Variants in USP6NL observed in about 807,000 individuals in gnomAD.
USP6NL encodes the protein USP6 N-terminal like, also known as USP6 N-terminal-like protein.
In USP6NL, 26 loss-of-function variants were observed where a neutral mutation model predicts 61.9. The observed-to-expected ratio is 0.42, with a 90% confidence interval of 0.31 to 0.58. The LOEUF (loss-of-function observed/expected upper bound fraction) is 0.58. Ranked by LOEUF, USP6NL falls within the 20% of genes least tolerant of loss-of-function variation. USP6NL has a pLI of 0.16. For synonymous variants in USP6NL, 432 were observed against 390.1 expected (o/e 1.11, Z -1.27); for missense variants, 1,114 against 1,034.3 (o/e 1.08, Z -1.06).
At chr10:11,581,232 A>G (rs1360948741) in intron 2 of USP6NL, among the ~76,000 whole-genome samples, 1 of 152,238 alleles carries the variant, frequency 6.6e-6, no homozygotes, top group Non-Finnish European at 1.5e-5. Context: ...GATAAGCACT[A>G]CTGACAATCT....
chr10:11,480,489 A>G (rs959007151), intron 14 of USP6NL, among the ~76,000 whole-genome samples: 16 of 152,372 alleles, frequency 1.1e-4, no homozygotes, highest in African/African-American at 3.4e-4. Context: ...AGTAGAAAAC[A>G]GAAGTCATTA....
rs1349420327 is a variant in USP6NL at position 11,493,257 on chromosome 10, AT to A, written c.385-30del. On this transcript the variant is annotated intron_variant, in intron 7 of 14. Coordinates refer to ENST00000609104, the MANE Select transcript of USP6NL (RefSeq NM_014688.5). ...AAGAGAGAAAGAGAGAACAGAACAG[AT>A]TTTTATGGAAATTAGTTGTTGAAAA... 4 of 1,549,902 alleles carry A rather than the reference AT, an allele frequency of 2.6e-6. No individual in the cohort carries two copies. In the African/African-American group the frequency reaches 5.4e-5, roughly 21 times the overall value.
chr10:11,552,919 T>C lies in USP6NL; in HGVS notation c.5-25352A>G, dbSNP rs756611220. 2.1e-4 allele frequency among the ~76,000 whole-genome samples: 32 copies of C among 152,080 alleles called. 1 individual carries two copies. Among genetic ancestry groups the C allele is most frequent in the South Asian group, 4.1e-4 (2 of 4,820 alleles). ...AAGTCTGGGCTTTTAGTGTACCCAT[T>C]ACCCCAATAAAGAATAATGTATCCA... On this transcript the variant is annotated intron_variant, in intron 2 of 14. Coordinates refer to ENST00000609104, the MANE Select transcript of USP6NL (RefSeq NM_014688.5).
intron 2 of USP6NL, among the ~76,000 whole-genome samples, chr10:11,536,713 A>G (rs1014200986): frequency 6.6e-6 from 1 of 152,202 alleles, no homozygotes; most frequent in African/African-American, 2.4e-5. Flanking sequence ...ATCCAATCCT[A>G]TACTTCCCCG....
chr10:11,494,985 C>T (rs1013541853), intron 7 of USP6NL, among the ~76,000 whole-genome samples: 1 of 152,090 alleles, frequency 6.6e-6, no homozygotes, highest in Non-Finnish European at 1.5e-5. Context: ...CTTCTCTAAA[C>T]TCCCCCGGGG....
At chr10:11,515,059 TG>T (rs1220772568) in intron 5 of USP6NL, among the ~76,000 whole-genome samples, 1 of 152,212 alleles carries the variant, frequency 6.6e-6, no homozygotes, top group Non-Finnish European at 1.5e-5. Flanking sequence ...CCTCTCCTAC[TG>T]GGGCAAAGAA....
At chr10:11,564,119 A>G (rs1259964686) in intron 2 of USP6NL, 1 of 152,224 alleles carries the variant, frequency 6.6e-6, no homozygotes, top group Non-Finnish European at 1.5e-5. Flanking sequence ...AAAGCGCTCC[A>G]TGACTAAGTA....
At chr10:11,554,870 A>G (rs1465388164) in intron 2 of USP6NL, among the ~76,000 whole-genome samples, 37 of 141,702 alleles carry the variant, frequency 2.6e-4, no homozygotes, top group Admixed American at 3.6e-4. Context: ...TGCGATCTCC[A>G]CTCACTGCAA....
At chr10:11,498,485 T>A (rs1291118918) in intron 7 of USP6NL, among the ~76,000 whole-genome samples, 1 of 151,768 alleles carries the variant, frequency 6.6e-6, no homozygotes, top group Non-Finnish European at 1.5e-5. Flanking sequence ...TTGCTAACCT[T>A]GGGGTGAAAA....
chr10:11,469,812 C>T (rs1348956640), intron 14 of USP6NL, among the ~76,000 whole-genome samples: 1 of 152,194 alleles, frequency 6.6e-6, no homozygotes, highest in African/African-American at 2.4e-5. Context: ...CTCACTCCTG[C>T]TTTCTAGAGT....
chr10:11,551,957 T>G (rs1836505496), intron 2 of USP6NL, among the ~76,000 whole-genome samples: 1 of 152,202 alleles, frequency 6.6e-6, no homozygotes, highest in Non-Finnish European at 1.5e-5. Flanking sequence ...ACAACTAAAT[T>G]TATAGTACAT....
chr10:11,568,186 T>C (rs1011109016), intron 2 of USP6NL, among the ~76,000 whole-genome samples: 4 of 149,666 alleles, frequency 2.7e-5, no homozygotes, highest in South Asian at 2.1e-4. Context: ...CGCGCGCGCG[T>C]GCTTGTATGC....
At chr10:11,477,382 C>G (rs985350659) in intron 14 of USP6NL, among the ~76,000 whole-genome samples, 6 of 152,070 alleles carry the variant, frequency 3.9e-5, no homozygotes, top group Non-Finnish European at 8.8e-5. Context: ...CTTTGCAAAA[C>G]CTTACATAAA....
At position 11,474,514 on chromosome 10, in the gene USP6NL, C is replaced by A. The variant is rs1387148410; in HGVS notation, c.1078+7256G>T. Among the ~76,000 whole-genome samples, 1 of 152,008 alleles carries A rather than the reference C, an allele frequency of 6.6e-6. No individual in the cohort carries two copies. The highest frequency in any genetic ancestry group is 1.5e-5 in the Non-Finnish European group (1 of 67,996). ...AGGAATTTATGTTTATAAGTGGAAC[C>A]AAACATTAAAGTTCCATTAGACGAG... On this transcript the variant is annotated intron_variant, in intron 14 of 14. Coordinates refer to ENST00000609104, the MANE Select transcript of USP6NL (RefSeq NM_014688.5). The surrounding 1 kb of genome is among the most constrained non-coding windows in gnomAD (Gnocchi z 4.9).
chr10:11,527,395 A>T, intron 3 of USP6NL, 105 bp downstream of exon 3: 1 of 1,013,378 alleles, frequency 9.9e-7, no homozygotes, highest in Non-Finnish European at 1.5e-6. Context: ...CCATGAAGTT[A>T]AACAAACTGC....
intron 2 of USP6NL, among the ~76,000 whole-genome samples, chr10:11,547,974 G>T (rs1836347376): frequency 6.6e-6 from 1 of 152,102 alleles, no homozygotes; most frequent in Non-Finnish European, 1.5e-5. Flanking sequence ...TTAAAAAATT[G>T]GAAGGAAACT....
At position 11,532,569 on chromosome 10, in the gene USP6NL, C is replaced by G. The variant is rs77643942; in HGVS notation, c.5-5002G>C. Among the ~76,000 whole-genome samples, 187 of 152,330 alleles carry G rather than the reference C, an allele frequency of 1.2e-3. 1 individual carries two copies. The highest frequency in any genetic ancestry group is 4.3e-3 in the African/African-American group (180 of 41,574). On this transcript the variant is annotated intron_variant, in intron 2 of 14. Coordinates refer to ENST00000609104, the MANE Select transcript of USP6NL (RefSeq NM_014688.5). The surrounding 1 kb of genome is among the most constrained non-coding windows in gnomAD (Gnocchi z 4.1). ...CACCAGCATTCCATCCGCTAACAAACAGCGGCTTGAAAGAAGCAGCTTCAT... is the reference window on the plus strand; with the variant it reads ...CACCAGCATTCCATCCGCTAACAAAGAGCGGCTTGAAAGAAGCAGCTTCAT...
rs924281101 is a variant in USP6NL, at chr10:11,562,907, T to C, written c.4+34724A>G. 15 of 381,806 alleles carry C rather than the reference T, an allele frequency of 3.9e-5. No individual in the cohort carries two copies. The highest frequency in any genetic ancestry group is 5.4e-5 in the Non-Finnish European group (15 of 278,400). The allele number at this position is 381,806 out of a possible 1,614,324, so 23.7% of individuals were successfully genotyped here. On this transcript the variant is annotated intron_variant, in intron 2 of 14. Coordinates refer to ENST00000609104, the MANE Select transcript of USP6NL (RefSeq NM_014688.5). The surrounding 1 kb of genome is among the most constrained non-coding windows in gnomAD (Gnocchi z 4.8). ...CCATGCAATCTATGAATCACATTCC[T>C]GGGTATCTATCCCACAGAAATAAAA...
intron 2 of USP6NL, among the ~76,000 whole-genome samples, chr10:11,567,985 C>T (rs868363027): frequency 1.6e-4 from 24 of 151,906 alleles, no homozygotes; most frequent in African/African-American, 5.5e-4. Flanking sequence ...TCTTAGCTAA[C>T]CACTTCTGCG....
Sources: allele counts gnomAD v4.1 joint callset (sites outside exome capture counted in the v4.1 genomes callset), GRCh38; gene constraint gnomAD v4.1.1; non-coding constraint Gnocchi (gnomAD v3.1); transcripts MANE v1.5; gene names NCBI Gene and HGNC (gene_info 2026-07-23, HGNC 2026-07-21).